RSPO4: variants seen among roughly 807,000 people sequenced by gnomAD.
RSPO4 encodes the protein R-spondin 4.
Under a neutral mutation model 24.8 loss-of-function variants are expected in RSPO4, and 23 were observed. The observed-to-expected ratio is 0.93, with a 90% CI of 0.67 to 1.31. RSPO4 has a LOEUF of 1.31. RSPO4 is among the 40% of genes most tolerant of loss of function. RSPO4 has a pLI of 0.00. For synonymous variants in RSPO4, 141 were observed against 127.4 expected, an observed-to-expected ratio of 1.11 and a Z score of -0.72; for missense variants, 333 against 316.5, an observed-to-expected ratio of 1.05 and a Z score of -0.39.
chr20:977,851 C>T (rs995101226), intron 1 of RSPO4, among the ~76,000 whole-genome samples: 11 of 152,014 alleles, frequency 7.2e-5, no homozygotes, highest in African/African-American at 1.5e-4. Flanking sequence ...TGCTGGGCAG[C>T]GCATCCTCCG....
At chr20:1,000,856 C>T (rs73571687) in intron 1 of RSPO4, among the ~76,000 whole-genome samples, 16,961 of 152,208 alleles carry the variant, frequency 0.11, 2,161 homozygotes, top group African/African-American at 0.31. Context: ...CCTCTTGGGC[C>T]ACAGTCTCCC....
Position 981,433 on chromosome 20 carries a change from G to C in RSPO4, c.80-13295C>G, listed in dbSNP as rs546414798. On this transcript the variant is annotated intron_variant, in intron 1 of 4. Coordinates refer to ENST00000217260, the MANE Select transcript of RSPO4 (RefSeq NM_001029871.4). The surrounding 1 kb of genome is among the most constrained non-coding windows in gnomAD (Gnocchi z 4.6). ...CCAGCTACTCAGGTGGCTGAGGCAT[G>C]AGAAACGCTTGAATCCAGGATGCGG... Among the ~76,000 whole-genome samples, 1 of 152,360 alleles carries C rather than the reference G, an allele frequency of 6.6e-6. No homozygotes were observed. Among genetic ancestry groups the C allele is most frequent in the East Asian group, 1.9e-4 (1 of 5,186 alleles).
At chr20:975,896 G>A (rs1328900087) in intron 1 of RSPO4, among the ~76,000 whole-genome samples, 2 of 152,258 alleles carry the variant, frequency 1.3e-5, no homozygotes, top group South Asian at 2.1e-4. Context: ...GAGATGGTAC[G>A]TGAAAAACTG....
At chr20:965,439 G>A (rs1231860319) in intron 3 of RSPO4, among the ~76,000 whole-genome samples, 1 of 152,258 alleles carries the variant, frequency 6.6e-6, no homozygotes, top group East Asian at 1.9e-4. Flanking sequence ...GGGACAGATT[G>A]CCCAGGGCCT....
At chr20:998,644 C>A (rs544178843) in intron 1 of RSPO4, among the ~76,000 whole-genome samples, 4 of 152,232 alleles carry the variant, frequency 2.6e-5, no homozygotes, top group African/African-American at 9.6e-5. Context: ...AACGCTAAGG[C>A]CAAAGACTCA....
chr20:995,484 C>A (rs977309865), intron 1 of RSPO4, among the ~76,000 whole-genome samples: 2 of 152,190 alleles, frequency 1.3e-5, no homozygotes, highest in Non-Finnish European at 2.9e-5. Context: ...CACGCCCTGG[C>A]CGAGCAGAGG....
At chr20:994,064 C>T (rs1318530468) in intron 1 of RSPO4, among the ~76,000 whole-genome samples, 1 of 152,152 alleles carries the variant, frequency 6.6e-6, no homozygotes, top group East Asian at 1.9e-4. Context: ...TTAATACATA[C>T]AAAGTACATA....
chr20:996,972 G>A (rs932656362), intron 1 of RSPO4, among the ~76,000 whole-genome samples: 13 of 152,198 alleles, frequency 8.5e-5, no homozygotes, highest in Admixed American at 7.2e-4. Flanking sequence ...TTGCAGCCCT[G>A]GCAAATCACT....
At chr20:972,402 G>C (rs1984434389) in intron 1 of RSPO4, among the ~76,000 whole-genome samples, 2 of 152,198 alleles carry the variant, frequency 1.3e-5, no homozygotes, top group African/African-American at 4.8e-5. Context: ...TGTCCTCTAA[G>C]ACTATATTTC....
At chr20:975,157 C>G (rs1050301182) in intron 1 of RSPO4, among the ~76,000 whole-genome samples, 1 of 152,138 alleles carries the variant, frequency 6.6e-6, no homozygotes, top group Non-Finnish European at 1.5e-5. Flanking sequence ...GGTGGAGCAG[C>G]GCTGCTTTGG....
At chr20:1,001,557 G>C (rs1442477492) in intron 1 of RSPO4, among the ~76,000 whole-genome samples, 1 of 152,170 alleles carries the variant, frequency 6.6e-6, no homozygotes, top group East Asian at 1.9e-4. Flanking sequence ...CCTGAACTCA[G>C]GTCTCAGGTC....
Position 981,245 on chromosome 20 carries a change from C to T in RSPO4, c.80-13107G>A, listed in dbSNP as rs986372518. 6.6e-6 allele frequency among the ~76,000 whole-genome samples: 1 copy of T among 152,200 alleles called. No homozygotes were observed. Among genetic ancestry groups the T allele is most frequent in the African/African-American group, 2.4e-5 (1 of 41,452 alleles). ...GTGATACTCAAAAGGGGCAACCTGG[C>T]CAGGCACAGTGGCTCACGCCTGTAA... On this transcript the variant is annotated intron_variant, in intron 1 of 4. Coordinates refer to ENST00000217260, the MANE Select transcript of RSPO4 (RefSeq NM_001029871.4). The surrounding 1 kb of genome is among the most constrained non-coding windows in gnomAD (Gnocchi z 4.6).
intron 4 of RSPO4, among the ~76,000 whole-genome samples, chr20:960,730 C>G (rs1983965968): frequency 6.6e-6 from 1 of 152,230 alleles, no homozygotes; most frequent in Non-Finnish European, 1.5e-5. Flanking sequence ...GGACATCTGG[C>G]TCGGCCAGGC....
intron 1 of RSPO4, among the ~76,000 whole-genome samples, chr20:982,076 GA>G (rs1984753689): frequency 6.6e-6 from 1 of 152,084 alleles, no homozygotes. Flanking sequence ...TCATATTAAA[GA>G]AAAAAGGGTT....
At chr20:972,814 A>T (rs1984448657) in intron 1 of RSPO4, among the ~76,000 whole-genome samples, 1 of 152,236 alleles carries the variant, frequency 6.6e-6, no homozygotes, top group African/African-American at 2.4e-5. Flanking sequence ...GGCGCTGTGT[A>T]AGCCCACTGG....
At chr20:996,707 C>A (rs1281641635) in intron 1 of RSPO4, among the ~76,000 whole-genome samples, 3 of 152,154 alleles carry the variant, frequency 2.0e-5, no homozygotes, top group Non-Finnish European at 4.4e-5. Flanking sequence ...CAGGGCCTGG[C>A]CCACAGGAAG....
At chr20:986,204 G>A (rs117990369) in intron 1 of RSPO4, among the ~76,000 whole-genome samples, 4,157 of 152,280 alleles carry the variant, frequency 0.027, 59 homozygotes, top group Non-Finnish European at 0.042. Flanking sequence ...TTAGGCACCT[G>A]CCACACGTGG....
intron 1 of RSPO4, among the ~76,000 whole-genome samples, chr20:992,289 G>A (rs117747556): frequency 0.026 from 3,465 of 132,648 alleles, 199 homozygotes; most frequent in East Asian, 0.23. Context: ...TTTTTGAGAC[G>A]GAGTTTCGCT....
At chr20:975,347 A>G (rs1984530123) in intron 1 of RSPO4, among the ~76,000 whole-genome samples, 3 of 152,140 alleles carry the variant, frequency 2.0e-5, no homozygotes, top group Admixed American at 2.0e-4. Flanking sequence ...CTCTAGTTGC[A>G]ACCTCCCCAA....
Sources: gnomAD v4.1 joint callset for allele counts (sites outside exome capture counted in the v4.1 genomes callset) on GRCh38, gnomAD v4.1.1 for gene constraint, Gnocchi (gnomAD v3.1) non-coding constraint, MANE v1.5 for transcripts, NCBI Gene and HGNC (gene_info 2026-07-23, HGNC 2026-07-21) for gene names.